Variants in B4GALT3 observed in about 807,000 individuals in gnomAD.
B4GALT3 encodes N-acetyllactosamine synthase.
B4GALT3 carries 29 observed loss-of-function variants against 40.7 expected under a neutral mutation model. The observed-to-expected ratio is 0.71, with a 90% confidence interval of 0.53 to 0.97. The LOEUF is 0.97. Ranked by LOEUF, B4GALT3 falls within the 50% of genes least tolerant of loss-of-function variation. B4GALT3 has a pLI of 0.00. For missense variants in B4GALT3, 390 were observed against 522.3 expected, an observed-to-expected ratio of 0.75 and a Z score of 2.47; for synonymous variants, 182 against 203.9, an observed-to-expected ratio of 0.89 and a Z score of 0.92.
chr1:161,173,945 G>A lies in B4GALT3; in HGVS notation c.594C>T (p.Leu198=), dbSNP rs1662458454. 6.2e-7 allele frequency: 1 copy of A among 1,614,174 alleles called. No homozygotes were observed. The highest frequency in any genetic ancestry group is 1.6e-4 in the Middle Eastern group (1 of 6,062). The change falls in exon 5 of 8, where the codon CTC becomes CTT. Residue 198 remains leucine, a synonymous_variant. Transcript: ENST00000319769. ...ACAGATTGTGGTCATTTTCTGGCAA[G>A]AGGTCCACATCGTGCAAGAACAGGC... ...WDCLFLHDVD[L]LPENDHNLYV...
In B4GALT3 at chr1:161,175,172, G is replaced by A. The variant is rs369568756; in HGVS notation, c.310C>T (p.Arg104Trp). Residue 104 changes from arginine to tryptophan, a missense_variant, in exon 4 of 8, where the codon CGG (arginine) becomes TGG (tryptophan). Transcript: ENST00000319769. The stretch of plus-strand genomic sequence containing the variant: ...CCCCCTGGTTCTACCCGGGGATTCC[G>A]CTCCACAATCTCTGCCAGTGATGGC... Reference protein sequence around the residue: ...PVPSLAEIVERNPRVEPGGRY... With the variant: ...PVPSLAEIVEWNPRVEPGGRY... The A allele has an allele frequency of 1.1e-5, 17 of 1,613,528 alleles. No individual in the cohort carries two copies. The highest frequency in any genetic ancestry group is 1.3e-5 in the Non-Finnish European group (15 of 1,179,874).
rs1172376628 is a variant in B4GALT3, at chr1:161,172,212, C to A, written c.908+15G>T. ...ATCCAGTAACAATTCCCAGGCAGTC[C>A]TTCCTTCTTCCTACCTGTGGGGATT... On this transcript the variant is annotated intron_variant, in intron 7 of 7. Transcript: ENST00000319769. 6.2e-7 allele frequency: 1 copy of A among 1,613,234 alleles called. No homozygotes were observed.
rs1277331764 is a variant in B4GALT3, at chr1:161,176,591, G to A, written c.-160-12C>T. 1 of 524,836 alleles carries A rather than the reference G, an allele frequency of 1.9e-6. No individual in the cohort carries two copies. The highest frequency in any genetic ancestry group is 1.9e-5 in the African/African-American group (1 of 52,454). 32.5% of individuals were successfully genotyped at this position (524,836 alleles called of 1,614,324 possible). A position where few individuals can be genotyped will look rare whatever the true frequency, so the allele number is the denominator to read the frequency against. ...GAATCTGGGACCAGCTGGAACAGAA[G>A]TGGTAAAGGATAACTAGCTACCTGC... On this transcript the variant is annotated splice_polypyrimidine_tract_variant and intron_variant, in intron 1 of 7. Coordinates refer to ENST00000319769, the MANE Select transcript of B4GALT3 (RefSeq NM_003779.4).
At chr1:161,173,818 G>A (rs1662410602) in intron 5 of B4GALT3, 41 bp downstream of exon 5, 1 of 1,609,916 alleles carries the variant, frequency 6.2e-7, no homozygotes, top group African/African-American at 1.3e-5. Flanking sequence ...CCACAGGATA[G>A]TAGGCTTCCC....
At chr1:161,174,941 T>C in intron 4 of B4GALT3, 52 bp downstream of exon 4, 1 of 1,572,932 alleles carries the variant, frequency 6.4e-7, no homozygotes, top group Non-Finnish European at 8.7e-7. Context: ...GGCATGTGCT[T>C]GAGGCTTCCT....
At chr1:161,177,514 TCTCGCGTCATGGGGCGGGGC>T (rs930960591), upstream of B4GALT3, 2 of 169,428 alleles carry the variant, frequency 1.2e-5, no homozygotes, top group South Asian at 1.2e-4. Context: ...GGGGGCGGGG[TCTCGCGTCATGGGGCGGGGC>T]CTCGGGGCGG....
chr1:161,172,076 C>A lies in B4GALT3; in HGVS notation c.922G>T (p.Val308Phe), dbSNP rs747156753. The stretch of plus-strand genomic sequence containing the variant: ...TGCGTCCAGGAATTCTGGGTACGGA[C>A]CAGGAGGTCAAATCTGAGGGTTAGA... ...EENPHRFDLL[V>F]RTQNSWTQDG... Residue 308 changes from valine (V) to phenylalanine (F), a missense_variant, in exon 8 of 8, where the codon GTC becomes TTC. Around this residue, in one of 3 missense-constraint regions of B4GALT3, gnomAD observed 135 missense variants for 227.8 expected, o/e 0.59. Transcript: ENST00000319769. The A allele has an allele frequency of 6.2e-7, 1 of 1,614,094 alleles. No homozygotes were observed. The highest frequency in any genetic ancestry group is 1.1e-5 in the South Asian group (1 of 91,082).
At chr1:161,176,171 A>G in intron 2 of B4GALT3, 97 bp from the exon 3 acceptor site, 1 of 1,343,114 alleles carries the variant, frequency 7.4e-7, no homozygotes, top group Non-Finnish European at 1.0e-6. Flanking sequence ...AGGGGTAAAG[A>G]GGAAAAAGCA....
intron 4 of B4GALT3, 77 bp from the exon 5 acceptor site, chr1:161,174,126 G>C: frequency 1.3e-6 from 2 of 1,488,676 alleles, no homozygotes; most frequent in Non-Finnish European, 1.8e-6. Flanking sequence ...TAAAAGTGAA[G>C]GCCGGGCGCG....
intron 1 of B4GALT3, chr1:161,177,018 G>A: frequency 1.3e-6 from 2 of 1,536,030 alleles, no homozygotes; most frequent in Non-Finnish European, 1.7e-6. Flanking sequence ...GAACAGCCCC[G>A]GAGCTCGGCG....
rs750908076 is a variant in B4GALT3, at chr1:161,175,799, T to C, written c.253+9A>G. 1.2e-6 allele frequency: 2 copies of C among 1,613,382 alleles called. No individual in the cohort carries two copies. Among genetic ancestry groups the C allele is most frequent in the East Asian group, 2.2e-5 (1 of 44,866 alleles). On this transcript the variant is annotated intron_variant, in intron 3 of 7. Coordinates refer to ENST00000319769, the MANE Select transcript of B4GALT3 (RefSeq NM_003779.4). ...CTTCCTTTCACCACCTCCTTCCTCC[T>C]GCACTTACCTAAGAGAGGAGATCGT...
chr1:161,174,170 G>A (rs1023897294), intron 4 of B4GALT3, 121 bp from the exon 5 acceptor site: 1 of 992,126 alleles, frequency 1.0e-6, no homozygotes, highest in Admixed American at 2.7e-5. Context: ...TACTTTGGGA[G>A]GCCAAGGCAG....
intron 1 of B4GALT3, 176 bp from the exon 2 acceptor site, chr1:161,176,755 A>AG: frequency 1.0e-6 from 1 of 972,370 alleles, no homozygotes; most frequent in African/African-American, 1.6e-5. Flanking sequence ...GATAAGTGTC[A>AG]GGTTCATACT....
At chr1:161,176,279 G>A (rs1663481913) in intron 2 of B4GALT3, 155 bp downstream of exon 2, 1 of 629,518 alleles carries the variant, frequency 1.6e-6, no homozygotes, top group Non-Finnish European at 2.7e-6. Flanking sequence ...TTCAGCCCAA[G>A]TTTCGCTCTC....
intron 6 of B4GALT3, 96 bp from the exon 7 acceptor site, chr1:161,172,427 TTAG>T (rs1661793905): frequency 9.2e-7 from 1 of 1,090,938 alleles, no homozygotes; most frequent in Admixed American, 2.9e-5. Context: ...CAACTATTAC[TTAG>T]TAGGCAAAAG....
At chr1:161,172,370 A>G (rs751887590) in intron 6 of B4GALT3, 39 bp from the exon 7 acceptor site, 11 of 1,562,118 alleles carry the variant, frequency 7.0e-6, no homozygotes, top group Non-Finnish European at 8.7e-6. Flanking sequence ...GATCCAGAGT[A>G]GAGAAAAGCA....
chr1:161,173,419 G>A (rs1662242321), intron 6 of B4GALT3, among the ~76,000 whole-genome samples, 186 bp downstream of exon 6: 1 of 152,178 alleles, frequency 6.6e-6, no homozygotes, highest in South Asian at 2.1e-4. Context: ...GAGACTGAAG[G>A]ATGACACAAT....
Position 161,176,415 on chromosome 1 carries a change from AG to A in B4GALT3, c.-15+18del. 1 of 403,124 alleles carries A rather than the reference AG, an allele frequency of 2.5e-6. No individual in the cohort carries two copies. Among genetic ancestry groups the A allele is most frequent in the Non-Finnish European group, 4.6e-6 (1 of 219,034 alleles). 25.0% of individuals were successfully genotyped at this position (403,124 alleles called of 1,614,324 possible). On this transcript the variant is annotated intron_variant, in intron 2 of 7. Coordinates refer to ENST00000319769, the MANE Select transcript of B4GALT3 (RefSeq NM_003779.4). ...GAGAACCCCCTCTTCCAATTTTAGA[AG>A]GGAAGAGATAGACTCACCTAGGTTC...
At chr1:161,174,352 C>G (rs1240094972) in intron 4 of B4GALT3, among the ~76,000 whole-genome samples, 4 of 147,704 alleles carry the variant, frequency 2.7e-5, no homozygotes, top group Non-Finnish European at 5.9e-5. Context: ...AGCTTGCAGT[C>G]AGCCGAGATC....
Sources: allele counts gnomAD v4.1 joint callset (sites outside exome capture counted in the v4.1 genomes callset), GRCh38; gene constraint gnomAD v4.1.1; regional missense constraint gnomAD v4.1.1; transcripts MANE v1.5; gene names NCBI Gene and HGNC (gene_info 2026-07-23, HGNC 2026-07-21).